The following SLC24A4 variants were observed in gnomAD, a reference collection of about 807,000 sequenced individuals.
SLC24A4 encodes sodium/potassium/calcium exchanger 4.
Under a neutral mutation model 79.0 loss-of-function variants are expected in SLC24A4, and 53 were observed. The ratio of observed to expected loss-of-function variants is 0.67; its 90% CI spans 0.54 to 0.84. SLC24A4 has a LOEUF of 0.84. Among genes scored for constraint, SLC24A4 ranks in the 40% least tolerant of loss-of-function variants. The pLI is 0.00. For synonymous variants in SLC24A4, 323 were observed against 323.8 expected, an observed-to-expected ratio of 1.00 and a Z score of 0.03; for missense variants, 731 against 822.0, an observed-to-expected ratio of 0.89 and a Z score of 1.35.
rs1055535744 is a variant in SLC24A4, at chr14:92,323,240, G to C, written c.-591G>C. The C allele has an allele frequency of 2.0e-5, 3 of 152,098 alleles. No individual in the cohort carries two copies. The highest frequency in any genetic ancestry group is 6.5e-5 in the Admixed American group (1 of 15,290). The allele number at this position is 152,098 out of a possible 1,614,324, so 9.4% of individuals were successfully genotyped here. On this transcript the variant is annotated 5_prime_UTR_variant, in exon 1 of 17. Transcript: ENST00000532405. This position sits in a 1 kb window ranked among gnomAD's most constrained non-coding sequence, Gnocchi z 4.9. Reference sequence around the variant, plus strand: ...GCTCGCCCCTGGGAGGGCCGACGTCGAGCCTGCTCGCCGCGAGGGTCTCAG... The same window carrying C: ...GCTCGCCCCTGGGAGGGCCGACGTCCAGCCTGCTCGCCGCGAGGGTCTCAG...
chr14:92,461,399 C>T (rs968839653), intron 12 of SLC24A4, among the ~76,000 whole-genome samples: 2 of 152,172 alleles, frequency 1.3e-5, no homozygotes, highest in African/African-American at 2.4e-5. Flanking sequence ...AGAATGTCAC[C>T]GACGAAGCAG....
intron 2 of SLC24A4, among the ~76,000 whole-genome samples, chr14:92,372,909 C>CTTCT (rs1888257143): frequency 8.3e-6 from 1 of 119,864 alleles, no homozygotes; most frequent in Non-Finnish European, 1.8e-5. Flanking sequence ...TCCTTCCTTC[C>CTTCT]TTCCTTCCTT....
rs573380280 is a variant in SLC24A4, at chr14:92,387,317, C to T, written c.242-46595C>T. On this transcript the variant is annotated intron_variant, in intron 2 of 16. Coordinates refer to ENST00000532405, the MANE Select transcript of SLC24A4 (RefSeq NM_153646.4). ...TCAGCCTCCCAAGTAGCTGGGATTA[C>T]AGGCACCCACCACCACGCCCGGCTA... Among the ~76,000 whole-genome samples, 742 of 152,056 alleles carry T rather than the reference C, an allele frequency of 4.9e-3. 4 individuals are homozygous for T. The highest frequency in any genetic ancestry group is 0.017 in the African/African-American group (711 of 41,460).
intron 2 of SLC24A4, among the ~76,000 whole-genome samples, chr14:92,387,552 G>GAT (rs1889234197): frequency 1.3e-5 from 2 of 152,162 alleles, no homozygotes; most frequent in South Asian, 2.1e-4. Flanking sequence ...ATTGTGGTAA[G>GAT]ATATATATAA....
rs140951555 is a variant in SLC24A4 at position 92,419,303 on chromosome 14, C to T, written c.242-14609C>T. Among the ~76,000 whole-genome samples, 202 of 152,272 alleles carry T rather than the reference C, an allele frequency of 1.3e-3. 2 individuals carry two copies. The highest frequency in any genetic ancestry group is 4.4e-3 in the African/African-American group (181 of 41,552). On this transcript the variant is annotated intron_variant, in intron 2 of 16. Coordinates refer to ENST00000532405, the MANE Select transcript of SLC24A4 (RefSeq NM_153646.4). Reference sequence around the variant, plus strand: ...TCCAGCCTTCCTCCAGGTCCCTTCCCAGTTAGTGGCAAGCAGCAACCACTC... The same window carrying T: ...TCCAGCCTTCCTCCAGGTCCCTTCCTAGTTAGTGGCAAGCAGCAACCACTC...
At chr14:92,481,904 T>C (rs1047105518) in intron 12 of SLC24A4, among the ~76,000 whole-genome samples, 10 of 152,238 alleles carry the variant, frequency 6.6e-5, no homozygotes, top group Admixed American at 1.3e-4. Context: ...CAGTGGCTTA[T>C]TAAGGAAACT....
chr14:92,452,768 T>C (rs17783612), intron 10 of SLC24A4: 18,894 of 152,350 alleles, frequency 0.12, 1,470 homozygotes, highest in Admixed American at 0.2. Context: ...CTCTGACAAA[T>C]GCATGTTCTC....
chr14:92,389,541 T>C (rs1159522926), intron 2 of SLC24A4, among the ~76,000 whole-genome samples: 2 of 151,780 alleles, frequency 1.3e-5, no homozygotes, highest in African/African-American at 4.8e-5. Flanking sequence ...TGGAGGGAGG[T>C]CCTGAACCTC....
intron 2 of SLC24A4, among the ~76,000 whole-genome samples, chr14:92,339,472 C>T (rs1381621604): frequency 2.0e-5 from 3 of 152,016 alleles, no homozygotes; most frequent in Non-Finnish European, 4.4e-5. Flanking sequence ...TTATTATCAT[C>T]CCCATTATAC....
At chr14:92,475,371 A>G (rs1313011240) in intron 12 of SLC24A4, among the ~76,000 whole-genome samples, 1 of 152,222 alleles carries the variant, frequency 6.6e-6, no homozygotes, top group African/African-American at 2.4e-5. Context: ...TGCTAATTGT[A>G]TGGTCCACAC....
In SLC24A4 at chr14:92,456,458, G is replaced by A. The variant is rs764528256; in HGVS notation, c.1105G>A (p.Gly369Arg). Residue 369 changes from glycine to arginine, a missense_variant, in exon 12 of 17, where the codon GGG becomes AGG. Coordinates refer to ENST00000532405, the MANE Select transcript of SLC24A4 (RefSeq NM_153646.4). ...TGTGAGCAGTAAGCCGCTTCAAAAC[G>A]GGAGGCACGAGAACATTGAGAACGG... ...NGVSSKPLQNGRHENIENGNV... is the reference protein window; with the variant it reads ...NGVSSKPLQNRRHENIENGNV... 10 of 1,614,090 alleles carry A rather than the reference G, an allele frequency of 6.2e-6. No individual in the cohort carries two copies. The highest frequency in any genetic ancestry group is 2.2e-5 in the East Asian group (1 of 44,900).
At chr14:92,420,310 T>A (rs1891206605) in intron 2 of SLC24A4, among the ~76,000 whole-genome samples, 1 of 152,130 alleles carries the variant, frequency 6.6e-6, no homozygotes, top group Non-Finnish European at 1.5e-5. Flanking sequence ...TGAAACCCTG[T>A]CTCTACTAAA....
intron 2 of SLC24A4, among the ~76,000 whole-genome samples, chr14:92,416,018 T>C (rs1890962991): frequency 6.6e-6 from 1 of 152,184 alleles, no homozygotes; most frequent in Admixed American, 6.5e-5. Context: ...ATGTTTGGTT[T>C]TCCAATGCAT....
chr14:92,427,095 C>A (rs1891604432), intron 2 of SLC24A4, among the ~76,000 whole-genome samples: 1 of 152,200 alleles, frequency 6.6e-6, no homozygotes, highest in Non-Finnish European at 1.5e-5. Flanking sequence ...ACATCTCTGT[C>A]AAAAATGTTC....
At chr14:92,389,071 G>A (rs1371793585) in intron 2 of SLC24A4, among the ~76,000 whole-genome samples, 1 of 152,212 alleles carries the variant, frequency 6.6e-6, no homozygotes, top group Non-Finnish European at 1.5e-5. Context: ...GAGGCAGCAG[G>A]GCTGGCAGGT....
At chr14:92,400,099 T>G (rs1479333151) in intron 2 of SLC24A4, among the ~76,000 whole-genome samples, 1 of 152,128 alleles carries the variant, frequency 6.6e-6, no homozygotes, top group Admixed American at 6.5e-5. Context: ...GAATTGGTGG[T>G]GTTCTGTTAA....
intron 2 of SLC24A4, among the ~76,000 whole-genome samples, chr14:92,376,975 C>A (rs1042632926): frequency 6.6e-6 from 1 of 152,208 alleles, no homozygotes; most frequent in South Asian, 2.1e-4. Flanking sequence ...TGGGAACACT[C>A]GTCTGAGTGA....
At chr14:92,445,758 A>T (rs570194506) in intron 8 of SLC24A4, among the ~76,000 whole-genome samples, 3 of 152,210 alleles carry the variant, frequency 2.0e-5, no homozygotes, top group Non-Finnish European at 4.4e-5. Context: ...GAACAACACA[A>T]CATCAGATCC....
intron 12 of SLC24A4, among the ~76,000 whole-genome samples, chr14:92,481,084 T>C (rs1895043071): frequency 6.6e-6 from 1 of 152,206 alleles, no homozygotes; most frequent in South Asian, 2.1e-4. Context: ...CCTCCAACAC[T>C]CAGGCGGGTA....
Sources: gnomAD v4.1 joint callset for allele counts (sites outside exome capture counted in the v4.1 genomes callset) on GRCh38, gnomAD v4.1.1 for gene constraint, Gnocchi (gnomAD v3.1) non-coding constraint, MANE v1.5 for transcripts, NCBI Gene and HGNC (gene_info 2026-07-23, HGNC 2026-07-21) for gene names.